Variants in DMAC2L observed in about 807,000 individuals in gnomAD.
DMAC2L encodes the protein ATP synthase subunit s, mitochondrial.
In DMAC2L, 21 loss-of-function variants were observed where a neutral mutation model predicts 22.5. That is an observed-to-expected ratio of 0.93 (90% CI 0.66 to 1.34). The LOEUF is 1.34. Among genes scored for constraint, DMAC2L ranks in the 40% most tolerant of loss-of-function variants. DMAC2L has a pLI of 0.00. For missense variants in DMAC2L, 239 were observed against 246.5 expected (o/e 0.97, Z 0.20); for synonymous variants, 86 against 89.5 (o/e 0.96, Z 0.22).
At chr14:50,316,879 C>CT (rs1001143201) in intron 2 of DMAC2L, among the ~76,000 whole-genome samples, 2 of 152,132 alleles carry the variant, frequency 1.3e-5, no homozygotes, top group African/African-American at 4.8e-5. Context: ...TATGTGGGCT[C>CT]TTTTTTGGTT....
intron 2 of DMAC2L, 39 bp from the exon 3 acceptor site, chr14:50,321,444 G>C (rs199687904): frequency 1.9e-6 from 3 of 1,610,590 alleles, no homozygotes; most frequent in Non-Finnish European, 2.5e-6. Context: ...TATGGGACTC[G>C]GATGATGATC....
At chr14:50,311,659 G>C (rs1244701453), upstream of DMAC2L, among the ~76,000 whole-genome samples, 2 of 152,198 alleles carry the variant, frequency 1.3e-5, no homozygotes, top group Non-Finnish European at 2.9e-5. Context: ...CTGTGTGCTA[G>C]GTCCTTTTAT....
intron 1 of DMAC2L, chr14:50,312,920 G>A: frequency 7.4e-7 from 1 of 1,354,654 alleles, no homozygotes; most frequent in Non-Finnish European, 1.1e-6. Context: ...CTCTGTACTC[G>A]ACCCGGCACT....
intron 2 of DMAC2L, 164 bp from the exon 3 acceptor site, chr14:50,321,319 T>TA: frequency 7.6e-7 from 1 of 1,317,636 alleles, no homozygotes. Flanking sequence ...AGCAAACAAA[T>TA]AAAAAACCCC....
At chr14:50,315,662 C>CA (rs142527130) in intron 2 of DMAC2L, among the ~76,000 whole-genome samples, 1,203 of 81,556 alleles carry the variant, frequency 0.015, 56 homozygotes, top group East Asian at 0.07. Flanking sequence ...TTCTGTTTCA[C>CA]AAAAAAAAAA....
At chr14:50,313,334 C>T (rs903036944) in intron 1 of DMAC2L, among the ~76,000 whole-genome samples, 2 of 152,152 alleles carry the variant, frequency 1.3e-5, no homozygotes, top group African/African-American at 4.8e-5. Context: ...ACCTCTTTGC[C>T]TCAGACCCTC....
intron 2 of DMAC2L, among the ~76,000 whole-genome samples, chr14:50,317,383 T>C (rs936671170): frequency 6.6e-5 from 10 of 152,218 alleles, no homozygotes; most frequent in Admixed American, 4.6e-4. Context: ...AATAGCAAGT[T>C]TGACTTCCTC....
chr14:50,313,517 G>C (rs1461949326), intron 1 of DMAC2L, among the ~76,000 whole-genome samples: 6 of 152,122 alleles, frequency 3.9e-5, no homozygotes, highest in Non-Finnish European at 8.8e-5. Flanking sequence ...TGCTTTATTT[G>C]TTAAAACAAT....
rs2139320413 is a variant in DMAC2L at position 50,324,252 on chromosome 14, G to A, written c.488+136G>A. ...TTAAAAAATGACCTCACTTTCATCTGTAATATTTTAAAACAGCTAAAATGA... is the reference window on the plus strand; with the variant it reads ...TTAAAAAATGACCTCACTTTCATCTATAATATTTTAAAACAGCTAAAATGA... On this transcript the variant is annotated intron_variant, in intron 5 of 5. Coordinates refer to ENST00000557421, the MANE Select transcript of DMAC2L (RefSeq NM_001382507.1). 7.7e-6 allele frequency: 7 copies of A among 904,720 alleles called. No individual in the cohort carries two copies. The East Asian group carries it at 1.9e-4, about 25-fold the overall frequency. 56.0% of individuals were successfully genotyped at this position (904,720 alleles called of 1,614,324 possible). A position where few individuals can be genotyped will look rare whatever the true frequency, so the allele number is the denominator to read the frequency against.
chr14:50,313,137 T>A, intron 1 of DMAC2L: 2 of 1,234,648 alleles, frequency 1.6e-6, no homozygotes, highest in South Asian at 1.2e-5. Flanking sequence ...TCTAACTCTT[T>A]AAAATTGTCA....
In DMAC2L at chr14:50,326,076, C is replaced by A; in HGVS notation, c.*353C>A. On this transcript the variant is annotated 3_prime_UTR_variant, in exon 6 of 6. Coordinates refer to ENST00000557421, the MANE Select transcript of DMAC2L (RefSeq NM_001382507.1). ...TGAAACCCCATCTCTACTAAAAAAA[C>A]AAAATTAGCTGAATGTGGTGGTGCA... 1 of 303,638 alleles carries A rather than the reference C, an allele frequency of 3.3e-6. No homozygotes were observed. The highest frequency in any genetic ancestry group is 4.9e-6 in the Non-Finnish European group (1 of 204,254). 18.8% of individuals were successfully genotyped at this position (303,638 alleles called of 1,614,324 possible).
chr14:50,323,165 A>C (rs2032430537), intron 4 of DMAC2L: 1 of 420,154 alleles, frequency 2.4e-6, no homozygotes, highest in African/African-American at 2.2e-5. Context: ...AGCTCACTGC[A>C]AGCTCTGCCT....
intron 1 of DMAC2L, chr14:50,312,919 C>A (rs2139254862): frequency 7.5e-7 from 1 of 1,335,546 alleles, no homozygotes; most frequent in East Asian, 2.3e-5. Flanking sequence ...GCTCTGTACT[C>A]GACCCGGCAC....
At chr14:50,322,474 T>C (rs1466778930) in intron 3 of DMAC2L, 37 bp from the exon 4 acceptor site, 21 of 1,566,770 alleles carry the variant, frequency 1.3e-5, no homozygotes, top group Non-Finnish European at 1.7e-5. Context: ...CTAGTGATTA[T>C]TGTAAAAGCA....
Position 50,321,101 on chromosome 14 carries a change from T to A in DMAC2L, c.-5-382T>A, listed in dbSNP as rs188152444. Among the ~76,000 whole-genome samples, 51 of 152,296 alleles carry A rather than the reference T, an allele frequency of 3.3e-4. No homozygotes were observed. The Middle Eastern group carries it at 0.01, about 30-fold the overall frequency. The stretch of plus-strand genomic sequence containing the variant: ...ATCTTAACCTTGACACGTTGCTCTT[T>A]CGGTGATTTTAGTCTGTCATTTTGA... On this transcript the variant is annotated intron_variant, in intron 2 of 5. Transcript: ENST00000557421.
At position 50,321,585 on chromosome 14, in the gene DMAC2L, T is replaced by G; in HGVS notation, c.98T>G (p.Val33Gly). 1 of 1,611,340 alleles carries G rather than the reference T, an allele frequency of 6.2e-7. No individual in the cohort carries two copies. Among genetic ancestry groups the G allele is most frequent in the South Asian group, 1.1e-5 (1 of 91,008 alleles). The change falls in exon 3 of 6, where the codon GTG becomes GGG. Residue 33 changes from valine (V) to glycine (G), a missense_variant. Transcript: ENST00000557421. ...SRYFWGWLNA[V>G]FNKVDYDRIR... The stretch of plus-strand genomic sequence containing the variant: ...TACTTCTGGGGCTGGTTGAATGCAG[T>G]GTTTAATAAGTAAGTTACTCTAAAT...
intron 2 of DMAC2L, among the ~76,000 whole-genome samples, chr14:50,316,853 T>A (rs1168912540): frequency 6.6e-6 from 1 of 152,216 alleles, no homozygotes; most frequent in Non-Finnish European, 1.5e-5. Flanking sequence ...ATCTTTTTGC[T>A]TAGTCTTGCT....
intron 1 of DMAC2L, chr14:50,312,749 C>G (rs1402621357): frequency 4.3e-6 from 2 of 460,620 alleles, no homozygotes; most frequent in Non-Finnish European, 7.7e-6. Flanking sequence ...CGAGCGTCCA[C>G]TAGAAGGGCG....
rs112164857 is a variant in DMAC2L, at chr14:50,325,664, C to A, written c.544C>A (p.Leu182Ile). 87 of 1,612,930 alleles carry A rather than the reference C, an allele frequency of 5.4e-5. No homozygotes were observed. In the African/African-American group the frequency reaches 6.9e-4, roughly 13 times the overall value. Residue 182 changes from leucine (L) to isoleucine (I), a missense_variant, in exon 6 of 6, where the codon CTT becomes ATT. By Grantham distance (5) the Leu-to-Ile change is conservative. Coordinates refer to ENST00000557421, the MANE Select transcript of DMAC2L (RefSeq NM_001382507.1). ...DLPGVREKEN[L>I]VQAFKTALPS... ...TCCTGGAGTAAGAGAAAAAGAAAAT[C>A]TTGTCCAAGCCTTTAAGACAGCACT... is the stretch of plus-strand genomic sequence containing the variant.
Sources: gnomAD v4.1 joint callset for allele counts (sites outside exome capture counted in the v4.1 genomes callset) on GRCh38, gnomAD v4.1.1 for gene constraint, MANE v1.5 for transcripts, NCBI Gene and HGNC (gene_info 2026-07-23, HGNC 2026-07-21) for gene names.